GAB4: variants seen among roughly 807,000 people sequenced by gnomAD.
GAB4 encodes the protein GRB2 associated binding protein family member 4.
In GAB4, 26 loss-of-function variants were observed where a neutral mutation model predicts 51.3. The observed-to-expected ratio is 0.51, with a 90% CI of 0.37 to 0.70. GAB4 has a LOEUF of 0.70. Among genes scored for constraint, GAB4 ranks in the 30% least tolerant of loss-of-function variants. The pLI, the probability that GAB4 is intolerant of heterozygous loss-of-function variation, is 0.00. For missense variants in GAB4, 759 were observed against 734.6 expected (o/e 1.03, Z -0.38); for synonymous variants, 329 against 291.2 (o/e 1.13, Z -1.32).
At chr22:16,975,989 C>CA (rs139267828) in intron 3 of GAB4, among the ~76,000 whole-genome samples, 18,174 of 150,714 alleles carry the variant, frequency 0.12, 1,226 homozygotes, top group Admixed American at 0.17. Flanking sequence ...TCAACAACAA[C>CA]AAAAAAAAAC....
chr22:16,982,968 T>C (rs1407469438), intron 3 of GAB4, among the ~76,000 whole-genome samples: 1 of 152,176 alleles, frequency 6.6e-6, no homozygotes, highest in African/African-American at 2.4e-5. Flanking sequence ...AATCCAGGGC[T>C]CAGGGCATAA....
intron 1 of GAB4, among the ~76,000 whole-genome samples, chr22:16,992,656 T>A (rs566472705): frequency 6.6e-6 from 1 of 152,314 alleles, no homozygotes; most frequent in South Asian, 2.1e-4. Flanking sequence ...TTTTACCATA[T>A]CATGATGCTT....
At chr22:16,966,453 T>C (rs2060676195) in intron 5 of GAB4, 89 bp from the exon 6 acceptor site, 3 of 1,350,288 alleles carry the variant, frequency 2.2e-6, no homozygotes, top group South Asian at 1.4e-5. Context: ...AAAAGAGTCA[T>C]GACGGGGTGT....
chr22:16,993,407 T>A (rs2060928242), intron 1 of GAB4, among the ~76,000 whole-genome samples: 1 of 152,088 alleles, frequency 6.6e-6, no homozygotes, highest in Non-Finnish European at 1.5e-5. Context: ...AAGCATTGGG[T>A]TATTATCACA....
At chr22:16,984,719 G>C (rs2060853893) in intron 3 of GAB4, among the ~76,000 whole-genome samples, 1 of 152,202 alleles carries the variant, frequency 6.6e-6, no homozygotes, top group Admixed American at 6.5e-5. Flanking sequence ...AGTTCATATA[G>C]CTCTGTTACA....
At position 16,966,330 on chromosome 22, in the gene GAB4, A is replaced by T. The variant is rs1235850949; in HGVS notation, c.1058T>A (p.Ile353Asn). Residue 353 changes from isoleucine to asparagine, a missense_variant, in exon 6 of 10, where the codon ATT becomes AAT. Ile to Asn is a moderately radical substitution (Grantham distance 149, BLOSUM62 -3). Around this residue, in one of 3 missense-constraint regions of GAB4, gnomAD observed 588 missense variants for 510.2 expected, o/e 1.15. Coordinates refer to ENST00000400588, the MANE Select transcript of GAB4 (RefSeq NM_001037814.1). ...GRTLVGLSDS[I>N]ASEGSCVPMN... ...GGGCACACAGCTGCCCTCAGAAGCA[A>T]TGCTGTCTGACAGGCCCACAAGCGT... The T allele has an allele frequency of 6.2e-7, 1 of 1,613,448 alleles. No homozygotes were observed. The highest frequency in any genetic ancestry group is 8.5e-7 in the Non-Finnish European group (1 of 1,179,926).
Position 16,970,054 on chromosome 22 carries a change from G to T in GAB4, c.826C>A (p.Pro276Thr). 1 of 1,614,190 alleles carries T rather than the reference G, an allele frequency of 6.2e-7. No homozygotes were observed. Among genetic ancestry groups the T allele is most frequent in the Non-Finnish European group, 8.5e-7 (1 of 1,180,028 alleles). Residue 276 changes from proline (P) to threonine (T), a missense_variant, in exon 4 of 10, where the codon CCC becomes ACC. Coordinates refer to ENST00000400588, the MANE Select transcript of GAB4 (RefSeq NM_001037814.1). ...HIHGFHSLSK[P>T]SQHNAEFRGS... Reference sequence around the variant, plus strand: ...CTGAATTCTGCATTGTGCTGGCTGGGCTTGGAAAGGCTATGGAAGCCATGG... The same window carrying T: ...CTGAATTCTGCATTGTGCTGGCTGGTCTTGGAAAGGCTATGGAAGCCATGG...
chr22:16,972,408 C>G (rs2060739745), intron 3 of GAB4, among the ~76,000 whole-genome samples: 1 of 152,184 alleles, frequency 6.6e-6, no homozygotes, highest in Admixed American at 6.5e-5. Context: ...CACTTGGAAA[C>G]AGCAAGATGC....
At chr22:17,001,639 G>A (rs938840290) in intron 1 of GAB4, among the ~76,000 whole-genome samples, 1 of 152,146 alleles carries the variant, frequency 6.6e-6, no homozygotes, top group African/African-American at 2.4e-5. Context: ...GCCTTCTTCT[G>A]TCAACTCGTC....
At chr22:16,963,317 G>A (rs899921059) in intron 9 of GAB4, among the ~76,000 whole-genome samples, 3 of 152,146 alleles carry the variant, frequency 2.0e-5, no homozygotes, top group African/African-American at 7.2e-5. Context: ...GTGCTTTCTC[G>A]GGAGGCTTTC....
chr22:16,967,345 GGCAGAAGGCA>G (rs1339779715), intron 5 of GAB4: 1 of 153,044 alleles, frequency 6.5e-6, no homozygotes, highest in Non-Finnish European at 1.5e-5. Flanking sequence ...ACCAGACCCA[GGCAGAAGGCA>G]GCACAGACCA....
intron 1 of GAB4, among the ~76,000 whole-genome samples, chr22:17,007,247 A>C (rs376417381): frequency 3.9e-5 from 6 of 152,340 alleles, no homozygotes; most frequent in Admixed American, 2.6e-4. Flanking sequence ...ATTTAGAACA[A>C]CACTCTTCAA....
chr22:17,001,725 A>T (rs1383207253), intron 1 of GAB4, among the ~76,000 whole-genome samples: 2 of 151,896 alleles, frequency 1.3e-5, no homozygotes, highest in Non-Finnish European at 2.9e-5. Flanking sequence ...AGGCGCTCTG[A>T]TTTTCAGAAT....
At chr22:16,993,226 T>C (rs529863406) in intron 1 of GAB4, among the ~76,000 whole-genome samples, 44 of 152,332 alleles carry the variant, frequency 2.9e-4, no homozygotes, top group African/African-American at 9.9e-4. Flanking sequence ...GATGAGTCTA[T>C]GCTTCTCCAC....
In GAB4 at chr22:16,968,375, C is replaced by T. The variant is rs775888585; in HGVS notation, c.946G>A (p.Gly316Ser). 20 of 1,613,664 alleles carry T rather than the reference C, an allele frequency of 1.2e-5. No individual in the cohort carries two copies. In the Admixed American group the frequency reaches 1.3e-4, roughly 11 times the overall value. Reference protein sequence around the residue: ...GSEADNEASSGKYTQHGGGNA... With the variant: ...GSEADNEASSSKYTQHGGGNA... ...CCTCCACCATGCTGGGTGTACTTGCCGGAGGAAGCTACGACAGAGGAAGGA... is the reference window on the plus strand; with the variant it reads ...CCTCCACCATGCTGGGTGTACTTGCTGGAGGAAGCTACGACAGAGGAAGGA... Residue 316 changes from glycine to serine, a missense_variant, in exon 5 of 10, where the codon GGC (glycine) becomes AGC (serine). Physicochemically the swap from Gly to Ser is moderately conservative, Grantham distance 56. Transcript: ENST00000400588.
intron 1 of GAB4, among the ~76,000 whole-genome samples, chr22:16,997,272 C>G (rs1485535982): frequency 6.6e-6 from 1 of 152,178 alleles, no homozygotes; most frequent in African/African-American, 2.4e-5. Flanking sequence ...AGTGTAAAAG[C>G]CTTCCTATTT....
chr22:16,962,726 G>GA lies in GAB4; in HGVS notation c.*6_*7insT. 1 of 1,607,694 alleles carries GA rather than the reference G, an allele frequency of 6.2e-7. No homozygotes were observed. The highest frequency in any genetic ancestry group is 8.5e-7 in the Non-Finnish European group (1 of 1,178,374). On this transcript the variant is annotated 3_prime_UTR_variant, in exon 10 of 10. Coordinates refer to ENST00000400588, the MANE Select transcript of GAB4 (RefSeq NM_001037814.1). Reference sequence around the variant, plus strand: ...TCCTGGCCCCACTCTGGTTTTGGTGGCCCGAGTCACAGCTTGGCGCCCCTG... The same window carrying GA: ...TCCTGGCCCCACTCTGGTTTTGGTGGACCCGAGTCACAGCTTGGCGCCCCTG...
At chr22:16,991,586 G>A (rs1267470871) in intron 2 of GAB4, among the ~76,000 whole-genome samples, 1 of 152,188 alleles carries the variant, frequency 6.6e-6, no homozygotes, top group East Asian at 1.9e-4. Context: ...CTGAAGTAGG[G>A]CCAGAACAGC....
In GAB4 at chr22:17,008,190, C is replaced by G. The variant is rs1488262023; in HGVS notation, c.-76G>C. The G allele has an allele frequency of 9.5e-7, 1 of 1,047,718 alleles. No individual in the cohort carries two copies. Among genetic ancestry groups the G allele is most frequent in the East Asian group, 2.6e-5 (1 of 38,790 alleles). 64.9% of individuals were successfully genotyped at this position (1,047,718 alleles called of 1,614,324 possible). The stretch of plus-strand genomic sequence containing the variant: ...GCTGGAGGTGGGGTGTGAGGGACGG[C>G]TTGCGATACCCTGGGACTGCGGGGT... On this transcript the variant is annotated 5_prime_UTR_variant, in exon 1 of 10. Coordinates refer to ENST00000400588, the MANE Select transcript of GAB4 (RefSeq NM_001037814.1).
Sources: allele counts gnomAD v4.1 joint callset (sites outside exome capture counted in the v4.1 genomes callset), GRCh38; gene constraint gnomAD v4.1.1; regional missense constraint gnomAD v4.1.1; transcripts MANE v1.5; gene names NCBI Gene and HGNC (gene_info 2026-07-23, HGNC 2026-07-21).